Variants in UQCC1 observed in about 807,000 individuals in gnomAD.
UQCC1 encodes bFGF-repressed Zic-binding protein.
A neutral mutation model predicts 48.0 loss-of-function variants in UQCC1; 38 were observed. That is an observed-to-expected ratio of 0.79 (90% confidence interval 0.61 to 1.04). The LOEUF is 1.04. Among genes scored for constraint, UQCC1 ranks in the 50% least tolerant of loss-of-function variants. The pLI is 0.00. For synonymous variants in UQCC1, 111 were observed against 129.2 expected (o/e 0.86, Z 0.95); for missense variants, 368 against 381.8 (o/e 0.96, Z 0.30).
intron 6 of UQCC1, among the ~76,000 whole-genome samples, chr20:35,354,875 T>C (rs2146408991): frequency 6.6e-6 from 1 of 152,282 alleles, no homozygotes; most frequent in East Asian, 1.9e-4. Context: ...CTAAGTGACA[T>C]AAACAAGAGT....
chr20:35,405,379 T>G (rs2062236350), intron 1 of UQCC1, among the ~76,000 whole-genome samples: 1 of 151,972 alleles, frequency 6.6e-6, no homozygotes, highest in Non-Finnish European at 1.5e-5. Context: ...AGGGAAACAA[T>G]CTGATTTCCG....
intron 1 of UQCC1, among the ~76,000 whole-genome samples, chr20:35,397,947 T>C (rs1422426927): frequency 6.6e-6 from 1 of 152,216 alleles, no homozygotes; most frequent in Non-Finnish European, 1.5e-5. Context: ...GGCAGGCACT[T>C]TTCTGGTACT....
At chr20:35,351,324 G>A (rs1036101415) in intron 6 of UQCC1, among the ~76,000 whole-genome samples, 4 of 149,920 alleles carry the variant, frequency 2.7e-5, no homozygotes, top group Non-Finnish European at 4.4e-5. Context: ...CCGGGAGGCA[G>A]AGATTGCAGT....
intron 7 of UQCC1, 23 bp from the exon 8 acceptor site, chr20:35,314,788 C>T: frequency 1.3e-6 from 2 of 1,566,756 alleles, no homozygotes; most frequent in Non-Finnish European, 1.7e-6. Flanking sequence ...ATGGCAAAAA[C>T]AAAAGTTTGA....
chr20:35,366,406 T>C (rs1050585801), intron 6 of UQCC1, 151 bp downstream of exon 6: 9 of 646,354 alleles, frequency 1.4e-5, no homozygotes, highest in Non-Finnish European at 2.1e-5. Context: ...AAAATGTGCT[T>C]CAAGACACCA....
At chr20:35,357,671 CA>C (rs386365644) in intron 6 of UQCC1, among the ~76,000 whole-genome samples, 116 of 103,370 alleles carry the variant, frequency 1.1e-3, no homozygotes, top group East Asian at 6.0e-3. Flanking sequence ...GACCTTGTCT[CA>C]AAAAAAAAAA....
chr20:35,379,055 C>CT (rs2061836360), intron 4 of UQCC1, among the ~76,000 whole-genome samples: 1 of 152,170 alleles, frequency 6.6e-6, no homozygotes, highest in Non-Finnish European at 1.5e-5. Flanking sequence ...ATAGGAATAA[C>CT]TTTTTGGCTT....
chr20:35,382,990 A>T (rs1568697168), intron 3 of UQCC1, among the ~76,000 whole-genome samples: 1 of 152,112 alleles, frequency 6.6e-6, no homozygotes, highest in Non-Finnish European at 1.5e-5. Flanking sequence ...CAAAAAGAAG[A>T]CTTTTAAAAG....
intron 7 of UQCC1, among the ~76,000 whole-genome samples, chr20:35,338,369 C>T (rs562003082): frequency 2.0e-5 from 3 of 152,192 alleles, no homozygotes; most frequent in African/African-American, 7.2e-5. Context: ...TTCTTTCTTT[C>T]AATTGGAAGG....
chr20:35,341,218 CAAAA>C (rs61675932), intron 7 of UQCC1, among the ~76,000 whole-genome samples: 5 of 115,842 alleles, frequency 4.3e-5, no homozygotes, highest in East Asian at 2.3e-4. Flanking sequence ...GAGACTCCGT[CAAAA>C]AAAAAAAAAA....
At chr20:35,366,038 A>G (rs2061662682) in intron 6 of UQCC1, among the ~76,000 whole-genome samples, 1 of 152,124 alleles carries the variant, frequency 6.6e-6, no homozygotes, top group Admixed American at 6.6e-5. Context: ...TTGGCTACTT[A>G]TTTCACAGCT....
chr20:35,364,022 G>T lies in UQCC1; in HGVS notation c.464+2535C>A, dbSNP rs534894764. ...ATTCTTGGAGGATCACAGCACAACT[G>T]AGCCCCAAACTAACTACTTTCCTGG... On this transcript the variant is annotated intron_variant, in intron 6 of 9. Coordinates refer to ENST00000374385, the MANE Select transcript of UQCC1 (RefSeq NM_018244.5). Among the ~76,000 whole-genome samples, 6 of 152,100 alleles carry T rather than the reference G, an allele frequency of 3.9e-5. No individual in the cohort carries two copies. In the East Asian group the frequency reaches 9.6e-4, roughly 24 times the overall value.
intron 6 of UQCC1, among the ~76,000 whole-genome samples, chr20:35,361,131 G>C (rs2061601004): frequency 6.6e-6 from 1 of 152,108 alleles, no homozygotes; most frequent in East Asian, 1.9e-4. Flanking sequence ...TTGTGAAGAT[G>C]TGAAGCAAGC....
intron 6 of UQCC1, among the ~76,000 whole-genome samples, chr20:35,351,948 A>T (rs1048236945): frequency 6.6e-6 from 1 of 152,242 alleles, no homozygotes; most frequent in Non-Finnish European, 1.5e-5. Flanking sequence ...TGGGGATTAT[A>T]GTGATGGCTA....
At chr20:35,338,932 T>C (rs2061348645) in intron 7 of UQCC1, among the ~76,000 whole-genome samples, 1 of 105,624 alleles carries the variant, frequency 9.5e-6, no homozygotes, top group African/African-American at 3.9e-5. Context: ...AAAATGCATA[T>C]ACCTGAGCCT....
intron 4 of UQCC1, among the ~76,000 whole-genome samples, chr20:35,375,346 T>C (rs938653261): frequency 1.3e-5 from 2 of 152,280 alleles, no homozygotes; most frequent in Admixed American, 6.5e-5. Context: ...GAAATACCCA[T>C]AGCAAATTAA....
intron 1 of UQCC1, among the ~76,000 whole-genome samples, chr20:35,408,115 T>C (rs1475831080): frequency 2.0e-5 from 3 of 152,030 alleles, no homozygotes; most frequent in African/African-American, 4.8e-5. Context: ...TCATACTCAT[T>C]AGAATGGCAA....
chr20:35,316,538 T>C (rs2061060947), intron 7 of UQCC1, among the ~76,000 whole-genome samples: 1 of 152,172 alleles, frequency 6.6e-6, no homozygotes, highest in Non-Finnish European at 1.5e-5. Flanking sequence ...TCGGAAGAAA[T>C]GTAGAAAGGG....
At chr20:35,340,432 G>A (rs375030086) in intron 7 of UQCC1, among the ~76,000 whole-genome samples, 16 of 152,266 alleles carry the variant, frequency 1.1e-4, no homozygotes, top group African/African-American at 3.9e-4. Context: ...ACTTTCAAAA[G>A]AACAACTGGT....
Sources: allele counts gnomAD v4.1 joint callset (sites outside exome capture counted in the v4.1 genomes callset), GRCh38; gene constraint gnomAD v4.1.1; transcripts MANE v1.5; gene names NCBI Gene and HGNC (gene_info 2026-07-23, HGNC 2026-07-21).